The following TMEM244 variants were observed in gnomAD, a reference collection of about 807,000 sequenced individuals.
TMEM244 encodes transmembrane protein 244.
TMEM244 carries 13 observed loss-of-function variants against 15.8 expected under a neutral mutation model. That is an observed-to-expected ratio of 0.82 (90% CI 0.53 to 1.30). The LOEUF is 1.30. Ranked by LOEUF, TMEM244 falls within the 50% of genes most tolerant of loss-of-function variation. The probability of loss-of-function intolerance (pLI) is 0.00; values close to 1 mark genes in which losing one functional copy is unlikely to be tolerated. For missense variants in TMEM244, 161 were observed against 144.9 expected (o/e 1.11, Z -0.57); for synonymous variants, 45 against 48.7 (o/e 0.92, Z 0.32).
rs181361612 is a variant in TMEM244, at chr6:129,836,391, T to C, written c.194-2806A>G. Among the ~76,000 whole-genome samples, 21 of 151,962 alleles carry C rather than the reference T, an allele frequency of 1.4e-4. No homozygotes were observed. The East Asian group carries it at 2.7e-3, about 20-fold the overall frequency. ...AGCAACAAGATCAACAAAAAGGACA[T>C]CCACCTCAAAACCCCATCTGTAGGT... is the stretch of plus-strand genomic sequence containing the variant. On this transcript the variant is annotated intron_variant, in intron 3 of 4. Transcript: ENST00000368143.
chr6:129,835,599 G>T (rs189276495), intron 3 of TMEM244, among the ~76,000 whole-genome samples: 2 of 152,236 alleles, frequency 1.3e-5, no homozygotes, highest in East Asian at 3.9e-4. Context: ...GCAGGGCAGG[G>T]TGTTGCCTCA....
intron 4 of TMEM244, among the ~76,000 whole-genome samples, chr6:129,832,961 T>G (rs2114631439): frequency 6.6e-6 from 1 of 152,320 alleles, no homozygotes; most frequent in South Asian, 2.1e-4. Context: ...AGGGCAAACC[T>G]TGCCCAGTTG....
rs1317502768 is a variant in TMEM244 at position 129,831,264 on chromosome 6, T to C, written c.*55A>G. The C allele has an allele frequency of 1.9e-5, 19 of 1,026,478 alleles. No individual in the cohort carries two copies. Among genetic ancestry groups the C allele is most frequent in the Non-Finnish European group, 2.5e-5 (17 of 668,972 alleles). The allele number at this position is 1,026,478 out of a possible 1,614,324, so 63.6% of individuals were successfully genotyped here. A position where few individuals can be genotyped will look rare whatever the true frequency, so the allele number is the denominator to read the frequency against. ...AATAATTGTAAAATCTATGAGAAAA[T>C]AAAATATATTTCCACAGTTATTCTA... On this transcript the variant is annotated 3_prime_UTR_variant, in exon 5 of 5. Coordinates refer to ENST00000368143, the MANE Select transcript of TMEM244 (RefSeq NM_001010876.2).
intron 1 of TMEM244, among the ~76,000 whole-genome samples, chr6:129,850,783 A>G (rs1423122460): frequency 6.6e-6 from 1 of 152,230 alleles, no homozygotes; most frequent in Non-Finnish European, 1.5e-5. Flanking sequence ...TGTTCATACT[A>G]CGTCTTAGAA....
intron 1 of TMEM244, among the ~76,000 whole-genome samples, chr6:129,850,425 A>T (rs72993254): frequency 0.017 from 2,586 of 152,306 alleles, 28 homozygotes; most frequent in Non-Finnish European, 0.029. Flanking sequence ...GAGGACAGGT[A>T]TGTGAACTAT....
At chr6:129,853,738 G>A (rs536448732) in intron 1 of TMEM244, among the ~76,000 whole-genome samples, 11 of 152,244 alleles carry the variant, frequency 7.2e-5, no homozygotes, top group Admixed American at 2.0e-4. Flanking sequence ...ACTGATTTGC[G>A]CTTTTAGAAT....
chr6:129,843,477 G>T (rs2114638611), intron 3 of TMEM244, 53 bp downstream of exon 3: 1 of 1,262,854 alleles, frequency 7.9e-7, no homozygotes, highest in Non-Finnish European at 1.1e-6. Context: ...AATTTATGGG[G>T]TTAGTGGCAT....
intron 1 of TMEM244, among the ~76,000 whole-genome samples, chr6:129,852,015 A>G (rs1776642480): frequency 6.6e-6 from 1 of 152,210 alleles, no homozygotes; most frequent in Non-Finnish European, 1.5e-5. Flanking sequence ...GTTTTTGTTA[A>G]GTCCTTATCT....
chr6:129,840,871 G>A (rs77342140), intron 3 of TMEM244, among the ~76,000 whole-genome samples: 56,717 of 152,036 alleles, frequency 0.37, 11,094 homozygotes, highest in South Asian at 0.5. Context: ...AAACCACAAT[G>A]AGATACCATC....
chr6:129,850,398 G>A (rs1347385309), intron 1 of TMEM244, among the ~76,000 whole-genome samples: 1 of 152,176 alleles, frequency 6.6e-6, no homozygotes, highest in African/African-American at 2.4e-5. Context: ...AAATGGATTT[G>A]CAATGGAAAT....
At chr6:129,842,651 CTT>C (rs1776508528) in intron 3 of TMEM244, among the ~76,000 whole-genome samples, 2 of 151,842 alleles carry the variant, frequency 1.3e-5, no homozygotes, top group Non-Finnish European at 2.9e-5. Flanking sequence ...TAGGGAAAAA[CTT>C]AACAAAATAT....
intron 1 of TMEM244, among the ~76,000 whole-genome samples, chr6:129,847,199 G>A (rs1010295507): frequency 6.6e-6 from 1 of 152,134 alleles, no homozygotes; most frequent in African/African-American, 2.4e-5. Flanking sequence ...AATAAAAAAT[G>A]TGCCACACTT....
chr6:129,843,473 T>G, intron 3 of TMEM244, 57 bp downstream of exon 3: 1 of 1,195,856 alleles, frequency 8.4e-7, no homozygotes, highest in Non-Finnish European at 1.2e-6. Flanking sequence ...AAAAAATTTA[T>G]GGGGTTAGTG....
chr6:129,834,877 A>G (rs968234599), intron 3 of TMEM244, among the ~76,000 whole-genome samples: 10 of 152,194 alleles, frequency 6.6e-5, no homozygotes, highest in African/African-American at 2.4e-4. Context: ...ACATTATTGT[A>G]GGGAAACAGA....
intron 1 of TMEM244, among the ~76,000 whole-genome samples, chr6:129,857,062 C>T (rs1776722754): frequency 6.6e-6 from 1 of 151,976 alleles, no homozygotes; most frequent in Admixed American, 6.6e-5. Flanking sequence ...TCTTCCATTA[C>T]ATTATCTAAC....
intron 1 of TMEM244, among the ~76,000 whole-genome samples, chr6:129,855,474 C>T (rs552436298): frequency 1.3e-4 from 20 of 152,214 alleles, no homozygotes; most frequent in African/African-American, 4.3e-4. Flanking sequence ...GCAGGAACAA[C>T]GACATTCTCC....
Position 129,835,001 on chromosome 6 carries a change from T to C in TMEM244, c.194-1416A>G, listed in dbSNP as rs74743463. On this transcript the variant is annotated intron_variant, in intron 3 of 4. Transcript: ENST00000368143. ...CATGTATATTAATAGAGAATACTTA[T>C]GCTTTGTTCATGATAGGAAAGAAAG... Among the ~76,000 whole-genome samples, 385 of 130,356 alleles carry C rather than the reference T, an allele frequency of 3.0e-3. 1 individual carries two copies. The highest frequency in any genetic ancestry group is 0.013 in the African/African-American group (361 of 27,136). The allele number at this position is 130,356 out of a possible 152,430, so 85.5% of individuals were successfully genotyped here. A position where few individuals can be genotyped will look rare whatever the true frequency, so the allele number is the denominator to read the frequency against.
At chr6:129,831,596 T>A (rs901773069) in intron 4 of TMEM244, among the ~76,000 whole-genome samples, 1 of 152,160 alleles carries the variant, frequency 6.6e-6, no homozygotes, top group Non-Finnish European at 1.5e-5. Context: ...CTAGAAATAA[T>A]GCTATGAATT....
intron 3 of TMEM244, 22 bp from the exon 4 acceptor site, chr6:129,833,607 T>C (rs1437215931): frequency 1.2e-6 from 2 of 1,607,248 alleles, no homozygotes; most frequent in Admixed American, 1.7e-5. Context: ...AGGAAGAATA[T>C]AATTATTGAG....
Sources: gnomAD v4.1 joint callset for allele counts (sites outside exome capture counted in the v4.1 genomes callset) on GRCh38, gnomAD v4.1.1 for gene constraint, MANE v1.5 for transcripts, NCBI Gene and HGNC (gene_info 2026-07-23, HGNC 2026-07-21) for gene names.